DHRSX: variants seen among roughly 807,000 people sequenced by gnomAD.
DHRSX encodes dehydrogenase/reductase X-linked, also known as polyprenol dehydrogenase.
DHRSX carries 31 observed loss-of-function variants against 34.0 expected under a neutral mutation model. That is an observed-to-expected ratio of 0.91 (90% CI 0.69 to 1.23). The LOEUF (loss-of-function observed/expected upper bound fraction) is 1.23, where lower values mean the gene tolerates loss of function less well. Among genes scored for constraint, DHRSX ranks in the 50% most tolerant of loss-of-function variants. DHRSX has a pLI of 0.00. For synonymous variants in DHRSX, 201 were observed against 183.8 expected, an observed-to-expected ratio of 1.09 and a Z score of -0.76; for missense variants, 414 against 428.1, an observed-to-expected ratio of 0.97 and a Z score of 0.29.
At chrX:2,334,813 C>A (rs905687416) in intron 3 of DHRSX, 3 of 152,088 alleles carry the variant, frequency 2.0e-5, no homozygotes, top group East Asian at 1.9e-4. Context: ...CTATTTAATT[C>A]TATAATTGTA....
intron 3 of DHRSX, among the ~76,000 whole-genome samples, chrX:2,340,647 C>T (rs1412162134): frequency 2.6e-5 from 4 of 152,046 alleles, no homozygotes; most frequent in Non-Finnish European, 4.4e-5. Context: ...GCCAGACACC[C>T]GCCATTGAGA....
chrX:2,263,934 G>A (rs2041400981), intron 5 of DHRSX, among the ~76,000 whole-genome samples: 12 of 152,214 alleles, frequency 7.9e-5, no homozygotes, highest in Admixed American at 7.9e-4. Context: ...TGGACAGACA[G>A]TACATTGCGT....
intron 2 of DHRSX, among the ~76,000 whole-genome samples, chrX:2,412,484 A>G (rs2043644049): frequency 6.6e-6 from 1 of 150,488 alleles, no homozygotes; most frequent in Admixed American, 6.6e-5. Context: ...GAAAGGTTGG[A>G]TTTTAAGGTG....
At chrX:2,362,870 C>T (rs1428393423) in intron 3 of DHRSX, among the ~76,000 whole-genome samples, 3 of 118,574 alleles carry the variant, frequency 2.5e-5, no homozygotes, top group African/African-American at 2.8e-5. Context: ...ATTTTATCAC[C>T]GTTCTATGAT....
chrX:2,426,848 T>C (rs1354485236), intron 1 of DHRSX, among the ~76,000 whole-genome samples: 1 of 151,636 alleles, frequency 6.6e-6, no homozygotes, highest in African/African-American at 2.4e-5. Flanking sequence ...TTCCTCCCTC[T>C]TTCCTTCCTT....
chrX:2,245,210 C>T (rs1026396190), intron 5 of DHRSX, among the ~76,000 whole-genome samples: 1 of 152,138 alleles, frequency 6.6e-6, no homozygotes, highest in Non-Finnish European at 1.5e-5. Context: ...TTTGGGAAGG[C>T]TCATCACAAA....
chrX:2,450,387 G>A (rs1484097653), intron 1 of DHRSX, among the ~76,000 whole-genome samples: 3 of 152,040 alleles, frequency 2.0e-5, no homozygotes, highest in Non-Finnish European at 4.4e-5. Flanking sequence ...GCTCGAACCC[G>A]GGAGGTGAAG....
chrX:2,424,261 G>A (rs1180175308), intron 2 of DHRSX, among the ~76,000 whole-genome samples: 2 of 151,886 alleles, frequency 1.3e-5, no homozygotes, highest in Non-Finnish European at 2.9e-5. Flanking sequence ...AGGACTGTGG[G>A]AAACTCAATG....
chrX:2,248,185 G>A (rs778654301), intron 5 of DHRSX, among the ~76,000 whole-genome samples: 2 of 152,210 alleles, frequency 1.3e-5, no homozygotes, highest in Non-Finnish European at 2.9e-5. Flanking sequence ...TGTAATCCCA[G>A]CACTCTGGGA....
intron 3 of DHRSX, among the ~76,000 whole-genome samples, chrX:2,313,438 G>T (rs186595347): frequency 6.6e-6 from 1 of 151,330 alleles, no homozygotes; most frequent in African/African-American, 2.4e-5. Flanking sequence ...GTGCCATCTC[G>T]GCTCACTGCA....
At chrX:2,472,517 C>T (rs1203790262) in intron 1 of DHRSX, among the ~76,000 whole-genome samples, 1 of 152,158 alleles carries the variant, frequency 6.6e-6, no homozygotes, top group Non-Finnish European at 1.5e-5. Flanking sequence ...GATTCATAAT[C>T]CCAGCACTTT....
At chrX:2,359,344 T>C (rs1307752730) in intron 3 of DHRSX, among the ~76,000 whole-genome samples, 1 of 152,150 alleles carries the variant, frequency 6.6e-6, no homozygotes, top group Non-Finnish European at 1.5e-5. Context: ...AGACATGGGA[T>C]CAATCTGAAT....
intron 3 of DHRSX, among the ~76,000 whole-genome samples, chrX:2,299,926 A>G (rs2041991888): frequency 6.6e-6 from 1 of 152,172 alleles, no homozygotes; most frequent in Non-Finnish European, 1.5e-5. Context: ...AGGGCAAGTC[A>G]GAAATACAGA....
chrX:2,439,668 C>T (rs1369786577), intron 1 of DHRSX, among the ~76,000 whole-genome samples: 4 of 152,116 alleles, frequency 2.6e-5, no homozygotes, highest in Admixed American at 2.0e-4. Context: ...CATCTGCGTG[C>T]GGGTGATGAG....
chrX:2,306,754 A>G (rs1464300783), intron 3 of DHRSX, among the ~76,000 whole-genome samples: 1 of 151,850 alleles, frequency 6.6e-6, no homozygotes, highest in Non-Finnish European at 1.5e-5. Context: ...GTAGTTTTCT[A>G]TTTTTGTCGT....
At chrX:2,474,054 C>T (rs901123096) in intron 1 of DHRSX, among the ~76,000 whole-genome samples, 1 of 151,654 alleles carries the variant, frequency 6.6e-6, no homozygotes, top group Non-Finnish European at 1.5e-5. Context: ...CTGGGATGGG[C>T]GGTGACAGAG....
intron 1 of DHRSX, among the ~76,000 whole-genome samples, chrX:2,445,343 C>T (rs983997983): frequency 6.6e-6 from 1 of 152,060 alleles, no homozygotes; most frequent in Non-Finnish European, 1.5e-5. Context: ...TATAAGCCCA[C>T]GTCCTATGTG....
At chrX:2,438,306 T>TACAACACAC (rs1556517378) in intron 1 of DHRSX, among the ~76,000 whole-genome samples, 1 of 149,546 alleles carries the variant, frequency 6.7e-6, no homozygotes, top group Non-Finnish European at 1.5e-5. Context: ...ACAGAATGCA[T>TACAACACAC]ACACACACAC....
rs781250937 is a variant in DHRSX at position 2,383,161 on chromosome X, A to G, written c.286+25584T>C. 1.0e-2 allele frequency among the ~76,000 whole-genome samples: 1,490 copies of G among 149,630 alleles called. 25 individuals are homozygous for G. Among genetic ancestry groups the G allele is most frequent in the African/African-American group, 0.035 (1,420 of 40,834 alleles). ...ACCATCATGACCATCATCATCACTG[A>G]CCATCATCATCATCACATGACCATG... On this transcript the variant is annotated intron_variant, in intron 3 of 6. Coordinates refer to ENST00000334651, the MANE Select transcript of DHRSX (RefSeq NM_145177.3).
Sources: allele counts gnomAD v4.1 joint callset (sites outside exome capture counted in the v4.1 genomes callset), GRCh38; gene constraint gnomAD v4.1.1; transcripts MANE v1.5; gene names NCBI Gene and HGNC (gene_info 2026-07-23, HGNC 2026-07-21).